KLHL2: variants seen among roughly 807,000 people sequenced by gnomAD.
KLHL2 encodes kelch like family member 2, also known as kelch-like protein 2.
A neutral mutation model predicts 75.8 loss-of-function variants in KLHL2; 15 were observed. That is an observed-to-expected ratio of 0.20 (90% CI 0.13 to 0.30). KLHL2 has a LOEUF of 0.30. Ranked by LOEUF, KLHL2 falls within the 10% of genes least tolerant of loss-of-function variation. The pLI is 1.00. For synonymous variants in KLHL2, 214 were observed against 251.9 expected, an observed-to-expected ratio of 0.85 and a Z score of 1.42; for missense variants, 381 against 741.0, an observed-to-expected ratio of 0.51 and a Z score of 5.64.
intron 1 of KLHL2, among the ~76,000 whole-genome samples, chr4:165,218,787 G>T (rs1737745715): frequency 6.6e-6 from 1 of 152,180 alleles, no homozygotes; most frequent in African/African-American, 2.4e-5. Flanking sequence ...TTAGAAATGG[G>T]TCAGGAAAGG....
At chr4:165,220,541 G>A (rs1338975971) in intron 2 of KLHL2, among the ~76,000 whole-genome samples, 2 of 152,074 alleles carry the variant, frequency 1.3e-5, no homozygotes, top group Non-Finnish European at 2.9e-5. Flanking sequence ...TCAACACAGT[G>A]AGACTCTGTC....
At chr4:165,316,428 C>T (rs1469124159) in intron 13 of KLHL2, among the ~76,000 whole-genome samples, 2 of 152,096 alleles carry the variant, frequency 1.3e-5, no homozygotes, top group Non-Finnish European at 2.9e-5. Flanking sequence ...TTGATTCTTG[C>T]TTTTAAGTAT....
chr4:165,208,593 G>C (rs568014261), intron 1 of KLHL2: 12 of 152,204 alleles, frequency 7.9e-5, no homozygotes, highest in Admixed American at 5.9e-4. Context: ...TTACTTTCTA[G>C]AAATAATAGC....
Position 165,238,909 on chromosome 4 carries a change from A to T in KLHL2, c.381+10A>T. The T allele has an allele frequency of 6.2e-7, 1 of 1,608,948 alleles. No homozygotes were observed. The highest frequency in any genetic ancestry group is 8.5e-7 in the Non-Finnish European group (1 of 1,178,720). ...AGAAGAAAATGTACAGGTAAGAGTA[A>T]ACACTTCACACCATCTAGCTTTTTA... On this transcript the variant is annotated intron_variant, in intron 4 of 14. Coordinates refer to ENST00000226725, the MANE Select transcript of KLHL2 (RefSeq NM_007246.4).
At position 165,313,222 on chromosome 4, in the gene KLHL2, G is replaced by A. The variant is rs767387234; in HGVS notation, c.1340-16G>A. The A allele has an allele frequency of 5.0e-6, 8 of 1,602,048 alleles. No homozygotes were observed. Among genetic ancestry groups the A allele is most frequent in the Non-Finnish European group, 6.8e-6 (8 of 1,176,028 alleles). ...TTTTTTAATAAATTTGGCTTTCTAT[G>A]TGATTTTATGTGTAGGTTTGCTCTA... On this transcript the variant is annotated splice_polypyrimidine_tract_variant and intron_variant, in intron 11 of 14. Transcript: ENST00000226725.
rs369881727 is a variant in KLHL2, at chr4:165,274,975, C to T, written c.544+11616C>T. ...TGGCAGTGACAGCCTGTCGCACTGA[C>T]CACCCTGCTTCTCCAAGGCGTGGAG... On this transcript the variant is annotated intron_variant, in intron 5 of 14. Coordinates refer to ENST00000226725, the MANE Select transcript of KLHL2 (RefSeq NM_007246.4). Among the ~76,000 whole-genome samples, 13 of 152,310 alleles carry T rather than the reference C, an allele frequency of 8.5e-5. No homozygotes were observed. In the East Asian group the frequency reaches 2.3e-3, roughly 27 times the overall value.
At chr4:165,211,279 GAA>G (rs1374914252) in intron 1 of KLHL2, among the ~76,000 whole-genome samples, 1 of 151,956 alleles carries the variant, frequency 6.6e-6, no homozygotes, top group Non-Finnish European at 1.5e-5. Flanking sequence ...ATCTTTTTAT[GAA>G]AGAAAAAAAC....
chr4:165,207,862 C>G lies in KLHL2; in HGVS notation c.-15C>G. On this transcript the variant is annotated 5_prime_UTR_variant, in exon 1 of 15. Coordinates refer to ENST00000226725, the MANE Select transcript of KLHL2 (RefSeq NM_007246.4). The surrounding 1 kb of genome is among the most constrained non-coding windows in gnomAD (Gnocchi z 4.2). The stretch of plus-strand genomic sequence containing the variant: ...TTGGTCGGTGCCTGCGTTCTGAAGC[C>G]CGAGAGGAGCCACAATGGAGACGCC... The G allele has an allele frequency of 2.1e-6, 3 of 1,451,094 alleles. No homozygotes were observed. Among genetic ancestry groups the G allele is most frequent in the Non-Finnish European group, 2.7e-6 (3 of 1,095,522 alleles). 89.9% of individuals were successfully genotyped at this position (1,451,094 alleles called of 1,614,324 possible).
intron 5 of KLHL2, among the ~76,000 whole-genome samples, 184 bp downstream of exon 5, chr4:165,263,543 G>A (rs1368549658): frequency 6.6e-6 from 1 of 151,614 alleles, no homozygotes; most frequent in African/African-American, 2.4e-5. Context: ...AACTTAAAAA[G>A]CAAGCAACTA....
intron 6 of KLHL2, 42 bp downstream of exon 6, chr4:165,294,510 CTTTT>C: frequency 4.8e-6 from 4 of 837,632 alleles, no homozygotes; most frequent in Middle Eastern, 2.6e-4. Flanking sequence ...TGATGTTTCC[CTTTT>C]TTTTTTTTTA....
At chr4:165,311,074 G>A (rs1022788671) in intron 10 of KLHL2, among the ~76,000 whole-genome samples, 3 of 151,982 alleles carry the variant, frequency 2.0e-5, no homozygotes, top group Admixed American at 6.5e-5. Flanking sequence ...AGCCAGGATG[G>A]TCTCAATCTC....
At chr4:165,243,136 A>G (rs751575098) in intron 4 of KLHL2, among the ~76,000 whole-genome samples, 4 of 152,238 alleles carry the variant, frequency 2.6e-5, no homozygotes, top group Non-Finnish European at 5.9e-5. Flanking sequence ...AAAATTATTC[A>G]AGATACATGC....
At chr4:165,312,658 C>G (rs1746295000) in intron 11 of KLHL2, among the ~76,000 whole-genome samples, 1 of 152,176 alleles carries the variant, frequency 6.6e-6, no homozygotes, top group Non-Finnish European at 1.5e-5. Context: ...TCGTATCTTA[C>G]CCAACCTTCA....
chr4:165,293,768 T>G (rs766605363), intron 5 of KLHL2, among the ~76,000 whole-genome samples: 56 of 151,552 alleles, frequency 3.7e-4, no homozygotes, highest in African/African-American at 1.1e-3. Context: ...CGCCCGCCTC[T>G]GCCTCCCAAA....
intron 1 of KLHL2, among the ~76,000 whole-genome samples, chr4:165,212,696 TGAA>T (rs1737271249): frequency 6.6e-6 from 1 of 152,222 alleles, no homozygotes; most frequent in South Asian, 2.1e-4. Context: ...ATTTATCAGA[TGAA>T]GAAGTAGAGT....
chr4:165,277,906 G>T (rs554748947), intron 5 of KLHL2: 2 of 852,602 alleles, frequency 2.3e-6, no homozygotes, highest in Non-Finnish European at 4.1e-6. Context: ...TAGTGTCATC[G>T]CATTAAGAGA....
At chr4:165,246,302 A>T (rs1448690500) in intron 4 of KLHL2, among the ~76,000 whole-genome samples, 1 of 152,112 alleles carries the variant, frequency 6.6e-6, no homozygotes, top group Non-Finnish European at 1.5e-5. Context: ...TAGATTAGAA[A>T]GGTAAATAGG....
At chr4:165,275,536 A>C (rs892589153) in intron 5 of KLHL2, among the ~76,000 whole-genome samples, 2 of 152,190 alleles carry the variant, frequency 1.3e-5, no homozygotes, top group Non-Finnish European at 2.9e-5. Flanking sequence ...ACCACTTCCC[A>C]TACTGAAAAT....
chr4:165,280,087 G>GTA (rs1743549198), intron 5 of KLHL2, among the ~76,000 whole-genome samples: 1 of 152,126 alleles, frequency 6.6e-6, no homozygotes, highest in Non-Finnish European at 1.5e-5. Context: ...TCATTCTCTT[G>GTA]TATTTCTTCA....
Sources: gnomAD v4.1 joint callset for allele counts (sites outside exome capture counted in the v4.1 genomes callset) on GRCh38, gnomAD v4.1.1 for gene constraint, Gnocchi (gnomAD v3.1) non-coding constraint, MANE v1.5 for transcripts, NCBI Gene and HGNC (gene_info 2026-07-23, HGNC 2026-07-21) for gene names.